Variants in FHIT observed in about 807,000 individuals in gnomAD.
FHIT encodes the protein bis(5'-adenosyl)-triphosphatase.
A neutral mutation model predicts 17.9 loss-of-function variants in FHIT; 19 were observed. That is an observed-to-expected ratio of 1.06 (90% CI 0.74 to 1.56). The LOEUF is 1.56. Ranked by LOEUF, FHIT falls within the 40% of genes most tolerant of loss-of-function variation. FHIT has a pLI of 0.00. For synonymous variants in FHIT, 81 were observed against 69.7 expected (o/e 1.16, Z -0.81); for missense variants, 248 against 189.2 (o/e 1.31, Z -1.82).
At position 60,325,900 on chromosome 3, in the gene FHIT, T is replaced by A. The variant is rs149164320; in HGVS notation, c.103+210960A>T. On this transcript the variant is annotated intron_variant, in intron 5 of 9. Coordinates refer to ENST00000492590, the MANE Select transcript of FHIT (RefSeq NM_002012.4). ...ACTACACAATTGTTCTTGAAATGTTTCCAAATGTGTGTAATCATGACCGAC... is the reference window on the plus strand; with the variant it reads ...ACTACACAATTGTTCTTGAAATGTTACCAAATGTGTGTAATCATGACCGAC... Among the ~76,000 whole-genome samples the A allele has an allele frequency of 4.9e-3, 748 of 152,322 alleles. 7 individuals are homozygous for A. Among genetic ancestry groups the A allele is most frequent in the African/African-American group, 0.017 (709 of 41,564 alleles).
At chr3:60,705,694 G>C (rs2041355668) in intron 4 of FHIT, among the ~76,000 whole-genome samples, 1 of 152,160 alleles carries the variant, frequency 6.6e-6, no homozygotes, top group South Asian at 2.1e-4. Flanking sequence ...TGTAAATGGT[G>C]TATACACATA....
chr3:59,954,826 G>A (rs78735119), intron 7 of FHIT, among the ~76,000 whole-genome samples: 44 of 152,234 alleles, frequency 2.9e-4, no homozygotes, highest in African/African-American at 7.7e-4. Flanking sequence ...TTTTGAAAAC[G>A]AAGAAACCAA....
chr3:60,897,914 G>C (rs530076066), intron 3 of FHIT, among the ~76,000 whole-genome samples: 89 of 152,090 alleles, frequency 5.9e-4, no homozygotes, highest in African/African-American at 2.0e-3. Flanking sequence ...ATCACCAATA[G>C]TATACTTTAT....
At chr3:60,635,232 G>T (rs1553683468) in intron 4 of FHIT, among the ~76,000 whole-genome samples, 1 of 152,078 alleles carries the variant, frequency 6.6e-6, no homozygotes, top group Non-Finnish European at 1.5e-5. Flanking sequence ...TTTAAATTCA[G>T]CCTATTTGTT....
intron 4 of FHIT, among the ~76,000 whole-genome samples, chr3:60,559,611 T>G (rs942431080): frequency 1.3e-5 from 2 of 152,194 alleles, no homozygotes; most frequent in African/African-American, 2.4e-5. Context: ...CCTCAAAAAC[T>G]GCCCCACAAG....
chr3:61,045,683 T>C (rs915268436), intron 2 of FHIT, among the ~76,000 whole-genome samples: 5 of 152,194 alleles, frequency 3.3e-5, no homozygotes, highest in African/African-American at 1.2e-4. Context: ...CAACAAAATA[T>C]ACTTTCTTCT....
chr3:61,099,376 G>GT (rs141820075), intron 2 of FHIT, among the ~76,000 whole-genome samples: 7,839 of 151,112 alleles, frequency 0.052, 561 homozygotes, highest in African/African-American at 0.16. Context: ...TTGGCCTGCA[G>GT]TTTTTTTTTG....
chr3:59,961,352 C>A (rs75261771), intron 7 of FHIT, among the ~76,000 whole-genome samples: 1,898 of 152,208 alleles, frequency 0.012, 44 homozygotes, highest in African/African-American at 0.043. Context: ...ATACTGAGCA[C>A]TAAAATTTAA....
chr3:61,141,214 T>C (rs887550080), intron 2 of FHIT, among the ~76,000 whole-genome samples: 3 of 152,138 alleles, frequency 2.0e-5, no homozygotes, highest in Non-Finnish European at 2.9e-5. Flanking sequence ...ACCTGCTTGG[T>C]GGCATCTTTT....
At chr3:60,237,296 T>C (rs1408329489) in intron 5 of FHIT, among the ~76,000 whole-genome samples, 1 of 145,556 alleles carries the variant, frequency 6.9e-6, no homozygotes, top group Non-Finnish European at 1.5e-5. Flanking sequence ...AATCTGATGA[T>C]AGCACCTATT....
At chr3:60,976,104 T>TTTTTTTTC (rs1710232933) in intron 3 of FHIT, among the ~76,000 whole-genome samples, 1 of 120,706 alleles carries the variant, frequency 8.3e-6, no homozygotes, top group African/African-American at 3.3e-5. Context: ...TTCTTTTTTT[T>TTTTTTTTC]TTTTTTTTTT....
intron 1 of FHIT, among the ~76,000 whole-genome samples, chr3:61,238,865 T>C (rs991531970): frequency 1.3e-5 from 2 of 152,218 alleles, no homozygotes; most frequent in African/African-American, 4.8e-5. Context: ...TGATTTTCAC[T>C]GCCATTTGGC....
intron 4 of FHIT, among the ~76,000 whole-genome samples, chr3:60,706,090 G>A (rs1275834100): frequency 5.3e-5 from 8 of 151,850 alleles, no homozygotes; most frequent in African/African-American, 1.5e-4. Flanking sequence ...AATAAGAGAC[G>A]GCACTACATG....
intron 4 of FHIT, among the ~76,000 whole-genome samples, chr3:60,789,664 T>C (rs1553727995): frequency 2.6e-5 from 4 of 152,190 alleles, no homozygotes; most frequent in Admixed American, 2.0e-4. Flanking sequence ...AGACAGTAAC[T>C]ATTAAACACC....
chr3:61,232,603 C>A (rs1433796162), intron 1 of FHIT, among the ~76,000 whole-genome samples: 1 of 152,148 alleles, frequency 6.6e-6, no homozygotes. Flanking sequence ...GAGAAACATA[C>A]CTTTGAAATT....
intron 5 of FHIT, among the ~76,000 whole-genome samples, chr3:60,136,656 C>T (rs1699828683): frequency 6.6e-6 from 1 of 152,086 alleles, no homozygotes; most frequent in South Asian, 2.1e-4. Context: ...CTTACCTTAC[C>T]TTACATAGGA....
chr3:60,540,892 A>G (rs544487481), intron 4 of FHIT, among the ~76,000 whole-genome samples: 9 of 152,276 alleles, frequency 5.9e-5, no homozygotes, highest in African/African-American at 1.9e-4. Context: ...TAAAAACCCA[A>G]CAGTTCTCAA....
chr3:61,159,848 C>T (rs975590263), intron 2 of FHIT, among the ~76,000 whole-genome samples: 1 of 152,188 alleles, frequency 6.6e-6, no homozygotes, highest in African/African-American at 2.4e-5. Flanking sequence ...AAGTCAGGCT[C>T]TTTGGGGTCA....
chr3:60,080,186 C>T (rs1053718514), intron 5 of FHIT, among the ~76,000 whole-genome samples: 1 of 152,138 alleles, frequency 6.6e-6, no homozygotes, highest in Non-Finnish European at 1.5e-5. Flanking sequence ...GAGTACCTAT[C>T]TGTTAGAAAT....
Sources: gnomAD v4.1 joint callset for allele counts (sites outside exome capture counted in the v4.1 genomes callset) on GRCh38, gnomAD v4.1.1 for gene constraint, MANE v1.5 for transcripts, NCBI Gene and HGNC (gene_info 2026-07-23, HGNC 2026-07-21) for gene names.